The following ADGRD2 variants were observed in gnomAD, a reference collection of about 807,000 sequenced individuals.
The protein encoded by ADGRD2 is G protein-coupled receptor PGR24.
Under a neutral mutation model 44.4 loss-of-function variants are expected in ADGRD2, and 71 were observed. The observed-to-expected ratio is 1.60, with a 90% CI of 1.32 to 1.95. The LOEUF (loss-of-function observed/expected upper bound fraction) is 1.95, where lower values mean the gene tolerates loss of function less well. ADGRD2 is among the 30% of genes most tolerant of loss of function. The probability of loss-of-function intolerance (pLI) is 0.00; values close to 1 mark genes in which losing one functional copy is unlikely to be tolerated. For missense variants in ADGRD2, 1,039 were observed against 512.4 expected, an observed-to-expected ratio of 2.03 and a Z score of -9.92; for synonymous variants, 481 against 224.8, an observed-to-expected ratio of 2.14 and a Z score of -10.19.
chr9:124,453,297 A>G lies in ADGRD2; in HGVS notation c.546A>G (p.Ala182=), dbSNP rs2131224092. Reference sequence around the variant, plus strand: ...GTGGGCAGCACGCGCCCTTCCTCGCAGCCTTCCGCGCCGACGGCCGCTGGC... The same window carrying G: ...GTGGGCAGCACGCGCCCTTCCTCGCGGCCTTCCGCGCCGACGGCCGCTGGC... Residue 182 remains alanine (A), a synonymous_variant, in exon 3 of 22, where the codon GCA becomes GCG. Coordinates refer to ENST00000334810, the Ensembl canonical transcript of ADGRD2. 8.2e-6 allele frequency: 4 copies of G among 486,914 alleles called. No individual in the cohort carries two copies. The East Asian group carries it at 1.5e-4, about 18-fold the overall frequency. The allele number at this position is 486,914 out of a possible 1,614,324, so 30.2% of individuals were successfully genotyped here. A position where few individuals can be genotyped will look rare whatever the true frequency, so the allele number is the denominator to read the frequency against.
At chr9:124,458,170 CCCTAGAGGGACCGGA>C in exon 9 of ADGRD2, 2 of 718,530 alleles carry the variant, frequency 2.8e-6, no homozygotes, top group Admixed American at 4.0e-5. Flanking sequence ...TTCCAGCACA[CCCTAGAGGGACCGGA>C]CCTAGAGCCC....
intron 17 of ADGRD2, among the ~76,000 whole-genome samples, chr9:124,475,138 G>A (rs965787360): frequency 6.6e-6 from 1 of 152,368 alleles, no homozygotes; most frequent in South Asian, 2.1e-4. Context: ...ATGGCGAGGC[G>A]GTGAGGATGG....
chr9:124,452,399 G>A, intron 1 of ADGRD2, 111 bp from the exon 5 acceptor site: 1 of 696,072 alleles, frequency 1.4e-6, no homozygotes, highest in Non-Finnish European at 2.7e-6. Context: ...GGCGGGTTCA[G>A]CCCCATCCAG....
exon 13 of ADGRD2, chr9:124,468,175 G>C (rs1831866979): frequency 1.4e-6 from 1 of 718,342 alleles, no homozygotes; most frequent in Non-Finnish European, 2.6e-6. Context: ...CCAGCGAGTG[G>C]GCCAAGGCCA....
In ADGRD2 at chr9:124,454,439, C is replaced by A. The variant is rs1380453145; in HGVS notation, c.1023-45C>A. 5 of 693,122 alleles carry A rather than the reference C, an allele frequency of 7.2e-6. No homozygotes were observed. Among genetic ancestry groups the A allele is most frequent in the Admixed American group, 2.0e-5 (1 of 49,420 alleles). 42.9% of individuals were successfully genotyped at this position (693,122 alleles called of 1,614,324 possible). A position where few individuals can be genotyped will look rare whatever the true frequency, so the allele number is the denominator to read the frequency against. ...CACTGAACAGGCTGGCATCTCTGGG[C>A]AGGGGTATTGCCCGGGGCCTAGCCT... is the stretch of plus-strand genomic sequence containing the variant. On this transcript the variant is annotated intron_variant, in intron 4 of 21. Coordinates refer to ENST00000334810, the Ensembl canonical transcript of ADGRD2. The surrounding 1 kb of genome is among the most constrained non-coding windows in gnomAD (Gnocchi z 4.5).
In ADGRD2 at chr9:124,456,745, C is replaced by A. The variant is rs775416204; in HGVS notation, c.1505+12C>A. On this transcript the variant is annotated intron_variant, in intron 7 of 21. Coordinates refer to ENST00000334810, the Ensembl canonical transcript of ADGRD2. ...GCACCGCCATGCTGGTGAGCCTGCACCCACCTGCCCACACGGCTGGACTCA... is the reference window on the plus strand; with the variant it reads ...GCACCGCCATGCTGGTGAGCCTGCAACCACCTGCCCACACGGCTGGACTCA... 20 of 705,498 alleles carry A rather than the reference C, an allele frequency of 2.8e-5. No individual in the cohort carries two copies. Among genetic ancestry groups the A allele is most frequent in the Non-Finnish European group, 2.6e-6 (1 of 384,974 alleles). The allele number at this position is 705,498 out of a possible 1,614,324, so 43.7% of individuals were successfully genotyped here.
chr9:124,470,544 G>A lies in ADGRD2; in HGVS notation c.2690G>A (p.Trp897Ter). 4.2e-6 allele frequency: 3 copies of A among 710,710 alleles called. No individual in the cohort carries two copies. In the South Asian group the frequency reaches 4.4e-5, roughly 11 times the overall value. 44.0% of individuals were successfully genotyped at this position (710,710 alleles called of 1,614,324 possible). A position where few individuals can be genotyped will look rare whatever the true frequency, so the allele number is the denominator to read the frequency against. ...CTGCTGCCCGTCCTAGGCCTGACCT[G>A]GCTGGCAGGCATCCTGGTGCACCTG... is the stretch of plus-strand genomic sequence containing the variant. The change falls in exon 17 of 22, where the codon TGG (tryptophan) becomes TAG (stop). Residue 897 changes from tryptophan to a stop codon, truncating the protein, a stop_gained. Transcript: ENST00000334810. LOFTEE classifies it high-confidence loss of function.
exon 2 of ADGRD2, chr9:124,452,521 G>T (rs1270583103): frequency 1.4e-6 from 1 of 718,402 alleles, no homozygotes; most frequent in Non-Finnish European, 2.6e-6. Context: ...CCCCGTGGCC[G>T]CCGGCGAGGT....
upstream of ADGRD2, among the ~76,000 whole-genome samples, chr9:124,451,935 A>G (rs1831480093): frequency 6.6e-6 from 1 of 152,102 alleles, no homozygotes; most frequent in Non-Finnish European, 1.5e-5. Flanking sequence ...TCCCGAGATC[A>G]CACTCTGAGT....
chr9:124,464,287 C>T (rs1456678954), intron 10 of ADGRD2, among the ~76,000 whole-genome samples: 1 of 152,174 alleles, frequency 6.6e-6, no homozygotes, highest in African/African-American at 2.4e-5. Context: ...GAGATAACCG[C>T]TATGAACATT....
At chr9:124,453,335 C>A (rs1303144197) in exon 3 of ADGRD2, 2 of 509,704 alleles carry the variant, frequency 3.9e-6, no homozygotes, top group Non-Finnish European at 6.8e-6. Flanking sequence ...CATGTGTGCG[C>A]CACGTGGGAG....
chr9:124,458,478 G>A, intron 9 of ADGRD2, 138 bp from the exon 13 acceptor site: 1 of 629,310 alleles, frequency 1.6e-6, no homozygotes, highest in Admixed American at 2.6e-5. Context: ...AGGCAAGACT[G>A]AACCAGGTGC....
chr9:124,468,664 C>T (rs1192044772), exon 14 of ADGRD2: 4 of 716,034 alleles, frequency 5.6e-6, no homozygotes, highest in Non-Finnish European at 1.0e-5. Context: ...TACCACGCCA[C>T]AGGCTGGGGT....
chr9:124,468,479 C>T (rs558580911), intron 13 of ADGRD2, 40 bp from the exon 17 acceptor site: 4 of 717,518 alleles, frequency 5.6e-6, no homozygotes, highest in Non-Finnish European at 1.0e-5. Context: ...GCACCTGCGT[C>T]TGACCTCGGA....
At chr9:124,467,881 C>T in intron 12 of ADGRD2, 57 bp downstream of exon 15, 1 of 714,820 alleles carries the variant, frequency 1.4e-6, no homozygotes, top group Non-Finnish European at 2.6e-6. Flanking sequence ...CTCGCTCAGG[C>T]CTCCATGTCC....
chr9:124,457,246 A>G (rs966689147), intron 7 of ADGRD2, among the ~76,000 whole-genome samples: 1 of 152,124 alleles, frequency 6.6e-6, no homozygotes, highest in Non-Finnish European at 1.5e-5. Flanking sequence ...ACTCATCAAT[A>G]TTCAGGTCCT....
intron 16 of ADGRD2, among the ~76,000 whole-genome samples, chr9:124,469,985 C>T (rs1831915937): frequency 6.6e-6 from 1 of 152,174 alleles, no homozygotes; most frequent in Admixed American, 6.5e-5. Flanking sequence ...AGACCCGCAT[C>T]GCCCTCTGGG....
At chr9:124,453,091 C>T (rs906751756) in exon 3 of ADGRD2, 9 of 693,774 alleles carry the variant, frequency 1.3e-5, no homozygotes, top group African/African-American at 1.2e-4. Flanking sequence ...CCGGGCGGCG[C>T]GGCTGCGGAG....
upstream of ADGRD2, among the ~76,000 whole-genome samples, chr9:124,450,650 G>A (rs1264729382): frequency 6.6e-6 from 1 of 152,256 alleles, no homozygotes; most frequent in African/African-American, 2.4e-5. Flanking sequence ...CTCAACGAGT[G>A]TTTGGAGAGC....
Sources: gnomAD v4.1 joint callset for allele counts (sites outside exome capture counted in the v4.1 genomes callset) on GRCh38, gnomAD v4.1.1 for gene constraint, Gnocchi (gnomAD v3.1) non-coding constraint, MANE v1.5 for transcripts, NCBI Gene and HGNC (gene_info 2026-07-23, HGNC 2026-07-21) for gene names.